The following EPHA6 variants were observed in gnomAD, a reference collection of about 807,000 sequenced individuals.
EPHA6 encodes the protein ephrin type-A receptor 6.
A neutral mutation model predicts 112.0 loss-of-function variants in EPHA6; 50 were observed. The ratio of observed to expected loss-of-function variants is 0.45; its 90% confidence interval spans 0.36 to 0.56. The LOEUF is 0.56. Among genes scored for constraint, EPHA6 ranks in the 20% least tolerant of loss-of-function variants. The pLI is 0.00. For missense variants in EPHA6, 1,280 were observed against 1,417.4 expected (o/e 0.90, Z 1.56); for synonymous variants, 529 against 490.7 (o/e 1.08, Z -1.03).
chr3:96,894,311 T>G (rs2107550268), intron 2 of EPHA6, among the ~76,000 whole-genome samples: 1 of 152,262 alleles, frequency 6.6e-6, no homozygotes, highest in African/African-American at 2.4e-5. Flanking sequence ...GTTTGAAGAA[T>G]AACATACTTT....
chr3:97,591,210 A>C (rs532883402), intron 11 of EPHA6, among the ~76,000 whole-genome samples: 14 of 152,208 alleles, frequency 9.2e-5, no homozygotes, highest in Non-Finnish European at 1.6e-4. Context: ...CACCTGTTAA[A>C]ATACACATTG....
At chr3:97,083,915 G>A (rs1348049471) in intron 3 of EPHA6, among the ~76,000 whole-genome samples, 1 of 150,950 alleles carries the variant, frequency 6.6e-6, no homozygotes, top group Admixed American at 6.6e-5. Flanking sequence ...AAAATGACAA[G>A]GTAAATTTGA....
chr3:96,912,570 A>T (rs1167208633), intron 2 of EPHA6, among the ~76,000 whole-genome samples: 1 of 152,124 alleles, frequency 6.6e-6, no homozygotes. Flanking sequence ...TCAGGCAAAA[A>T]GTGGAAAGGC....
At chr3:97,550,196 A>G (rs2093010601) in intron 11 of EPHA6, among the ~76,000 whole-genome samples, 2 of 152,164 alleles carry the variant, frequency 1.3e-5, no homozygotes, top group Admixed American at 1.3e-4. Flanking sequence ...AAAAATCAAA[A>G]CATTTTATGA....
intron 3 of EPHA6, among the ~76,000 whole-genome samples, chr3:97,221,616 C>T (rs1277001773): frequency 2.0e-5 from 3 of 152,090 alleles, no homozygotes; most frequent in Non-Finnish European, 2.9e-5. Flanking sequence ...CCATTTATAA[C>T]CCAATTCTAA....
At chr3:96,870,783 C>T (rs1397713064) in intron 2 of EPHA6, among the ~76,000 whole-genome samples, 1 of 151,950 alleles carries the variant, frequency 6.6e-6, no homozygotes, top group Non-Finnish European at 1.5e-5. Flanking sequence ...CCATCATTTC[C>T]TAATATAATT....
In EPHA6 at chr3:97,754,507, C is replaced by G. The variant is rs1452449162; in HGVS notation, c.*5806C>G. 3.3e-5 allele frequency among the ~76,000 whole-genome samples: 5 copies of G among 151,996 alleles called. No homozygotes were observed. The highest frequency in any genetic ancestry group is 1.2e-4 in the African/African-American group (5 of 41,382). On this transcript the variant is annotated 3_prime_UTR_variant, in exon 18 of 18. Transcript: ENST00000389672. ...ATATATTTGGAACTTCTTTAGGTAG[C>G]CAGTGGCAATCCAAAATTACATTTT...
intron 2 of EPHA6, among the ~76,000 whole-genome samples, chr3:96,925,935 A>T (rs1353865231): frequency 6.6e-6 from 1 of 151,856 alleles, no homozygotes; most frequent in Non-Finnish European, 1.5e-5. Flanking sequence ...AGGGTTTTTC[A>T]CATCTCTGTC....
chr3:97,267,590 C>T (rs2079729670), intron 5 of EPHA6, among the ~76,000 whole-genome samples: 1 of 152,000 alleles, frequency 6.6e-6, no homozygotes, highest in Non-Finnish European at 1.5e-5. Context: ...CTATCTCTTT[C>T]CATTTTATAT....
At chr3:97,187,214 G>T (rs1233838654) in intron 3 of EPHA6, among the ~76,000 whole-genome samples, 2 of 151,962 alleles carry the variant, frequency 1.3e-5, no homozygotes, top group Non-Finnish European at 2.9e-5. Context: ...TCTGAAATGT[G>T]TTTTTCTGAG....
At chr3:96,949,586 G>A (rs2041439540) in intron 2 of EPHA6, among the ~76,000 whole-genome samples, 1 of 152,124 alleles carries the variant, frequency 6.6e-6, no homozygotes. Flanking sequence ...AATAAGGATT[G>A]TAAGCAGGTG....
intron 12 of EPHA6, among the ~76,000 whole-genome samples, chr3:97,607,747 G>A (rs747649978): frequency 2.0e-5 from 3 of 151,056 alleles, no homozygotes; most frequent in African/African-American, 4.8e-5. Context: ...GGCAGAAGGG[G>A]TGACTGGCTA....
chr3:96,842,989 T>A (rs1015721119), intron 1 of EPHA6, among the ~76,000 whole-genome samples: 1 of 152,094 alleles, frequency 6.6e-6, no homozygotes, highest in Non-Finnish European at 1.5e-5. Context: ...AAAGTGGTAC[T>A]CTATGATAAC....
At chr3:97,252,920 A>C (rs1423638030) in intron 5 of EPHA6, among the ~76,000 whole-genome samples, 1 of 152,148 alleles carries the variant, frequency 6.6e-6, no homozygotes, top group Non-Finnish European at 1.5e-5. Context: ...TGTTTTTCAA[A>C]TTTACCTCTC....
At chr3:97,540,556 A>G (rs1340415171) in intron 11 of EPHA6, among the ~76,000 whole-genome samples, 4 of 152,162 alleles carry the variant, frequency 2.6e-5, no homozygotes, top group Non-Finnish European at 5.9e-5. Context: ...ATTCATTCAA[A>G]TCACCTCCCT....
At chr3:96,965,509 T>A (rs955690719) in intron 2 of EPHA6, among the ~76,000 whole-genome samples, 1 of 152,124 alleles carries the variant, frequency 6.6e-6, no homozygotes, top group African/African-American at 2.4e-5. Flanking sequence ...TTTTAAAAAA[T>A]TGGAGAAGCT....
intron 3 of EPHA6, among the ~76,000 whole-genome samples, chr3:97,033,694 T>C (rs2108026857): frequency 6.6e-6 from 1 of 152,038 alleles, no homozygotes; most frequent in East Asian, 1.9e-4. Context: ...GAATCCTTAC[T>C]TCCAAAAGTG....
intron 13 of EPHA6, among the ~76,000 whole-genome samples, chr3:97,611,127 T>C (rs777107480): frequency 2.0e-5 from 3 of 151,700 alleles, no homozygotes; most frequent in Admixed American, 6.6e-5. Context: ...TACCAAATAA[T>C]GTTATCATGA....
At chr3:97,646,352 A>C in intron 14 of EPHA6, 2 of 1,366,546 alleles carry the variant, frequency 1.5e-6, no homozygotes, top group Non-Finnish European at 1.9e-6. Context: ...TATACATGTA[A>C]TATATAAGAC....
Sources: allele counts gnomAD v4.1 joint callset (sites outside exome capture counted in the v4.1 genomes callset), GRCh38; gene constraint gnomAD v4.1.1; transcripts MANE v1.5; gene names NCBI Gene and HGNC (gene_info 2026-07-23, HGNC 2026-07-21).